EYS: variants seen among roughly 807,000 people sequenced by gnomAD.
EYS encodes EGF-like photoreceptor maintenance factor, also known as protein eyes shut homolog.
EYS carries 250 observed loss-of-function variants against 282.1 expected under a neutral mutation model. The observed-to-expected ratio is 0.89, with a 90% CI of 0.80 to 0.98. EYS has a LOEUF of 0.98. Among genes scored for constraint, EYS ranks in the 50% least tolerant of loss-of-function variants. EYS has a pLI of 0.00. For missense variants in EYS, 4,016 were observed against 3,709.0 expected (o/e 1.08, Z -2.15); for synonymous variants, 1,355 against 1,282.9 (o/e 1.06, Z -1.20).
chr6:65,230,336 C>A (rs1044819801), intron 12 of EYS, among the ~76,000 whole-genome samples: 2 of 147,442 alleles, frequency 1.4e-5, no homozygotes, highest in African/African-American at 2.5e-5. Context: ...TGGCGAATAG[C>A]AGAGCATCCA....
chr6:63,913,344 AGAATT>A (rs1764325965), intron 35 of EYS, among the ~76,000 whole-genome samples: 1 of 152,250 alleles, frequency 6.6e-6, no homozygotes, highest in African/African-American at 2.4e-5. Flanking sequence ...TTATTGAGAT[AGAATT>A]TATATACAAT....
intron 31 of EYS, among the ~76,000 whole-genome samples, chr6:64,177,612 C>T (rs974049236): frequency 6.6e-6 from 1 of 152,052 alleles, no homozygotes. Context: ...TGGTTATCCT[C>T]ATCAAATAAT....
intron 22 of EYS, chr6:64,733,418 A>T: frequency 5.5e-6 from 1 of 180,488 alleles, no homozygotes; most frequent in South Asian, 1.3e-4. Flanking sequence ...ATTTCACAAC[A>T]TCATCTACTC....
intron 12 of EYS, among the ~76,000 whole-genome samples, chr6:65,167,037 G>A (rs1160403886): frequency 6.6e-6 from 1 of 151,114 alleles, no homozygotes; most frequent in Admixed American, 6.6e-5. Context: ...AAAAAAAGAT[G>A]TAACAACTGT....
chr6:64,443,906 TA>T (rs1775034898), intron 26 of EYS, among the ~76,000 whole-genome samples: 1 of 152,150 alleles, frequency 6.6e-6, no homozygotes, highest in Non-Finnish European at 1.5e-5. Flanking sequence ...ATAGAGTCAT[TA>T]AAAAAGATTT....
chr6:65,458,539 G>A (rs150852994), intron 5 of EYS, among the ~76,000 whole-genome samples: 2 of 152,152 alleles, frequency 1.3e-5, no homozygotes, highest in African/African-American at 2.4e-5. Context: ...GAAATGTTTC[G>A]AGAACTTCAG....
chr6:64,113,431 T>A (rs559256708), intron 31 of EYS, among the ~76,000 whole-genome samples: 1 of 152,252 alleles, frequency 6.6e-6, no homozygotes, highest in South Asian at 2.1e-4. Context: ...TCTCATTAGG[T>A]TGTGAGAATT....
intron 12 of EYS, among the ~76,000 whole-genome samples, chr6:65,067,910 AT>A (rs1773793925): frequency 1.3e-5 from 2 of 152,270 alleles, no homozygotes; most frequent in Admixed American, 1.3e-4. Context: ...GGATATGCTT[AT>A]TAAAGAGGCA....
intron 10 of EYS, among the ~76,000 whole-genome samples, chr6:65,343,695 A>C (rs1444031063): frequency 6.6e-6 from 1 of 151,254 alleles, no homozygotes; most frequent in African/African-American, 2.4e-5. Context: ...CCAAAAGACA[A>C]ATGCATTTCA....
At chr6:64,890,583 C>T (rs1459938505) in intron 18 of EYS, among the ~76,000 whole-genome samples, 1 of 152,092 alleles carries the variant, frequency 6.6e-6, no homozygotes, top group Non-Finnish European at 1.5e-5. Context: ...CATTTTTTTG[C>T]TTCCATGCCC....
Position 64,503,500 on chromosome 6 carries a change from G to C in EYS, c.5645-64148C>G, listed in dbSNP as rs553747672. Reference sequence around the variant, plus strand: ...TTAAAGTGTTCTGGTGATTGTTAACGATAATTTCTCAGGAAGGGTTTCATG... The same window carrying C: ...TTAAAGTGTTCTGGTGATTGTTAACCATAATTTCTCAGGAAGGGTTTCATG... On this transcript the variant is annotated intron_variant, in intron 26 of 42. Transcript: ENST00000503581. Among the ~76,000 whole-genome samples the C allele has an allele frequency of 7.0e-4, 107 of 152,238 alleles. 4 individuals carry two copies. The South Asian group carries it at 0.021, about 29-fold the overall frequency.
chr6:64,661,897 T>G (rs9363074), intron 22 of EYS, among the ~76,000 whole-genome samples: 84,145 of 135,954 alleles, frequency 0.62, 26,456 homozygotes, highest in African/African-American at 0.69. Flanking sequence ...ATACCCAAAG[T>G]ATTATAAATC....
chr6:65,150,281 T>A lies in EYS; in HGVS notation c.2024-92554A>T, dbSNP rs537806256. 4.6e-5 allele frequency among the ~76,000 whole-genome samples: 7 copies of A among 152,202 alleles called. No individual in the cohort carries two copies. In the South Asian group the frequency reaches 1.5e-3, roughly 32 times the overall value. On this transcript the variant is annotated intron_variant, in intron 12 of 42. Coordinates refer to ENST00000503581, the MANE Select transcript of EYS (RefSeq NM_001142800.2). ...TTTTTTTCCCCTTTTTTCTTTTTCTTATTTCAGGAAGATTTATCAAGGTGT... is the reference window on the plus strand; with the variant it reads ...TTTTTTTCCCCTTTTTTCTTTTTCTAATTTCAGGAAGATTTATCAAGGTGT...
chr6:65,313,764 C>T (rs1260100586), intron 11 of EYS, among the ~76,000 whole-genome samples: 1 of 152,180 alleles, frequency 6.6e-6, no homozygotes. Context: ...AACTAGTCTC[C>T]CTGCTTCTGT....
At chr6:65,165,833 GACAC>G (rs1215516348) in intron 12 of EYS, among the ~76,000 whole-genome samples, 1 of 150,976 alleles carries the variant, frequency 6.6e-6, no homozygotes. Flanking sequence ...CTAAGGAATA[GACAC>G]ACACACATTC....
At chr6:65,181,776 C>G (rs376209796) in intron 12 of EYS, among the ~76,000 whole-genome samples, 1 of 152,054 alleles carries the variant, frequency 6.6e-6, no homozygotes, top group Non-Finnish European at 1.5e-5. Flanking sequence ...TATTGCGGCA[C>G]TATTCACAAT....
intron 12 of EYS, among the ~76,000 whole-genome samples, chr6:65,282,691 A>G (rs17496052): frequency 0.046 from 7,034 of 152,070 alleles, 222 homozygotes; most frequent in South Asian, 0.09. Context: ...GATGTCACAG[A>G]TATTAACAAA....
At chr6:65,289,650 A>G (rs539981388) in intron 12 of EYS, among the ~76,000 whole-genome samples, 1 of 151,316 alleles carries the variant, frequency 6.6e-6, no homozygotes, top group Non-Finnish European at 1.5e-5. Flanking sequence ...TGCTAAGCCA[A>G]GCATAACAGA....
intron 31 of EYS, 53 bp from the exon 32 acceptor site, chr6:64,082,055 A>C: frequency 1.6e-6 from 2 of 1,233,788 alleles, no homozygotes; most frequent in Non-Finnish European, 2.2e-6. Flanking sequence ...TTGCTACTCA[A>C]GTAGATAAAA....
Sources: allele counts gnomAD v4.1 joint callset (sites outside exome capture counted in the v4.1 genomes callset), GRCh38; gene constraint gnomAD v4.1.1; transcripts MANE v1.5; gene names NCBI Gene and HGNC (gene_info 2026-07-23, HGNC 2026-07-21).